Variants in RUNX1T1 observed in about 807,000 individuals in gnomAD.
RUNX1T1 encodes protein CBFA2T1.
A neutral mutation model predicts 62.8 loss-of-function variants in RUNX1T1; 4 were observed. The observed-to-expected ratio is 0.06, with a 90% CI of 0.03 to 0.15. The LOEUF (loss-of-function observed/expected upper bound fraction) is 0.15. Among genes scored for constraint, RUNX1T1 ranks in the 10% least tolerant of loss-of-function variants. The probability of loss-of-function intolerance (pLI) is 1.00; values close to 1 mark genes in which losing one functional copy is unlikely to be tolerated. For synonymous variants in RUNX1T1, 291 were observed against 286.0 expected (o/e 1.02, Z -0.18); for missense variants, 508 against 754.3 (o/e 0.67, Z 3.82).
intron 4 of RUNX1T1, 74 bp from the exon 6 acceptor site, chr8:92,005,371 G>A (rs1262644434): frequency 7.5e-6 from 10 of 1,325,684 alleles, no homozygotes; most frequent in Admixed American, 6.8e-5. Context: ...TCTGCTTTTC[G>A]AACACTGGAG....
At chr8:92,055,728 A>G (rs1830936439) in intron 1 of RUNX1T1, among the ~76,000 whole-genome samples, 1 of 152,252 alleles carries the variant, frequency 6.6e-6, no homozygotes, top group Non-Finnish European at 1.5e-5. Flanking sequence ...TGTATTTGGA[A>G]TATTCTAGGA....
At chr8:91,991,746 G>A (rs1261496148) in exon 6 of RUNX1T1, 2 of 1,614,154 alleles carry the variant, frequency 1.2e-6, no homozygotes, top group African/African-American at 1.3e-5. Flanking sequence ...CTGAGGTGGA[G>A]GTGGGGTAGG....
chr8:91,966,861 A>T (rs1451319716), intron 10 of RUNX1T1, among the ~76,000 whole-genome samples: 1 of 152,206 alleles, frequency 6.6e-6, no homozygotes, highest in East Asian at 1.9e-4. Context: ...GTAAAGTTTG[A>T]GAACTAGGTA....
At chr8:92,022,267 AC>A (rs750817178) in intron 1 of RUNX1T1, among the ~76,000 whole-genome samples, 2 of 152,134 alleles carry the variant, frequency 1.3e-5, no homozygotes, top group Non-Finnish European at 2.9e-5. Flanking sequence ...ACAAACACAC[AC>A]CATCAACAGT....
intron 10 of RUNX1T1, among the ~76,000 whole-genome samples, chr8:91,969,300 A>G (rs1261571780): frequency 2.6e-5 from 4 of 152,156 alleles, no homozygotes; most frequent in Non-Finnish European, 5.9e-5. Context: ...TTAATTGACA[A>G]TTTCTTCCTA....
exon 6 of RUNX1T1, chr8:91,991,689 G>C: frequency 6.2e-7 from 1 of 1,614,094 alleles, no homozygotes; most frequent in African/African-American, 1.3e-5. Context: ...GTGTCGATAG[G>C]AGTCCCTGTA....
At chr8:92,086,394 G>C (rs545029407) in intron 1 of RUNX1T1, among the ~76,000 whole-genome samples, 2 of 152,296 alleles carry the variant, frequency 1.3e-5, no homozygotes, top group Non-Finnish European at 2.9e-5. Context: ...TCTCCTGCAC[G>C]GCCTGAGGGC....
intron 4 of RUNX1T1, among the ~76,000 whole-genome samples, chr8:92,007,598 C>A (rs1821031886): frequency 2.0e-5 from 3 of 152,122 alleles, no homozygotes; most frequent in Non-Finnish European, 4.4e-5. Context: ...TAGTACTACA[C>A]ACCTAGAATA....
chr8:92,005,214 A>T (rs1820515767), exon 5 of RUNX1T1: 1 of 1,613,894 alleles, frequency 6.2e-7, no homozygotes, highest in Non-Finnish European at 8.5e-7. Context: ...GCAGCTGTTC[A>T]TGCTGGGCGA....
At chr8:92,081,765 C>T (rs1464891291) in intron 1 of RUNX1T1, among the ~76,000 whole-genome samples, 1 of 152,158 alleles carries the variant, frequency 6.6e-6, no homozygotes. Context: ...CAGTTGCCAG[C>T]ATGGCCTGGT....
chr8:91,966,798 G>A (rs1407110911), intron 10 of RUNX1T1, among the ~76,000 whole-genome samples: 2 of 152,200 alleles, frequency 1.3e-5, no homozygotes, highest in East Asian at 1.9e-4. Context: ...TCTGCCGCAA[G>A]TCCAGTGTCA....
exon 11 of RUNX1T1, chr8:91,959,819 A>G (rs1383093231): frequency 3.7e-6 from 1 of 270,502 alleles, no homozygotes; most frequent in Non-Finnish European, 7.2e-6. Context: ...ATTATTGTAT[A>G]TAAAGAACAT....
chr8:92,026,754 G>A (rs1825240778), intron 1 of RUNX1T1, among the ~76,000 whole-genome samples: 1 of 151,836 alleles, frequency 6.6e-6, no homozygotes, highest in African/African-American at 2.4e-5. Flanking sequence ...CCCGTGAGGT[G>A]GAGCTTGCAG....
At chr8:92,032,376 TCA>T (rs1281829151) in intron 1 of RUNX1T1, among the ~76,000 whole-genome samples, 1 of 152,102 alleles carries the variant, frequency 6.6e-6, no homozygotes, top group Non-Finnish European at 1.5e-5. Context: ...TCAAATTCAC[TCA>T]TTCTGTATGA....
chr8:91,962,324 A>C (rs994104614), intron 10 of RUNX1T1, among the ~76,000 whole-genome samples: 1 of 152,188 alleles, frequency 6.6e-6, no homozygotes, highest in Non-Finnish European at 1.5e-5. Context: ...AAACAAAACA[A>C]AAACTTAAAA....
chr8:92,058,534 T>G (rs1310164172), intron 1 of RUNX1T1, among the ~76,000 whole-genome samples: 1 of 152,158 alleles, frequency 6.6e-6, no homozygotes, highest in Non-Finnish European at 1.5e-5. Flanking sequence ...CTAACATGAT[T>G]TAATGTACAT....
At chr8:92,057,586 T>C (rs745474257) in intron 1 of RUNX1T1, among the ~76,000 whole-genome samples, 2 of 152,220 alleles carry the variant, frequency 1.3e-5, no homozygotes, top group Non-Finnish European at 2.9e-5. Flanking sequence ...AGCAGTTATA[T>C]ATTCCCTTTG....
intron 1 of RUNX1T1, among the ~76,000 whole-genome samples, chr8:92,044,181 C>T (rs1277249780): frequency 6.6e-6 from 1 of 152,044 alleles, no homozygotes; most frequent in Non-Finnish European, 1.5e-5. Context: ...CTTAAAAATC[C>T]TTGATAAGTA....
intron 1 of RUNX1T1, chr8:92,062,432 C>T (rs768163685): frequency 4.2e-6 from 5 of 1,189,640 alleles, no homozygotes; most frequent in Middle Eastern, 1.9e-4. Flanking sequence ...CCAGCCTCTT[C>T]CTGCCCACAT....
Sources: gnomAD v4.1 joint callset for allele counts (sites outside exome capture counted in the v4.1 genomes callset) on GRCh38, gnomAD v4.1.1 for gene constraint, MANE v1.5 for transcripts, NCBI Gene and HGNC (gene_info 2026-07-23, HGNC 2026-07-21) for gene names.